The following ERG variants were observed in gnomAD, a reference collection of about 807,000 sequenced individuals.
ERG encodes transcriptional regulator ERG.
A neutral mutation model predicts 55.3 loss-of-function variants in ERG; 9 were observed. The ratio of observed to expected loss-of-function variants is 0.16; its 90% CI spans 0.10 to 0.28. ERG has a LOEUF of 0.28. ERG is among the 10% of genes least tolerant of loss of function. The probability of loss-of-function intolerance (pLI) is 1.00; values close to 1 mark genes in which losing one functional copy is unlikely to be tolerated. For missense variants in ERG, 434 were observed against 631.6 expected (o/e 0.69, Z 3.35); for synonymous variants, 223 against 237.3 (o/e 0.94, Z 0.55).
intron 2 of ERG, among the ~76,000 whole-genome samples, chr21:38,443,103 G>A (rs568463392): frequency 5.9e-4 from 90 of 152,308 alleles, no homozygotes; most frequent in African/African-American, 1.5e-3. Context: ...CACTGCGCCC[G>A]GCCAGAATGC....
At chr21:38,617,992 G>A (rs961476579) in intron 1 of ERG, among the ~76,000 whole-genome samples, 11 of 152,158 alleles carry the variant, frequency 7.2e-5, no homozygotes, top group South Asian at 2.1e-4. Flanking sequence ...CTGGCAGGAC[G>A]AGGCTTAAAA....
At chr21:38,424,176 C>G (rs1989690648) in intron 2 of ERG, among the ~76,000 whole-genome samples, 1 of 58,832 alleles carries the variant, frequency 1.7e-5, no homozygotes, top group South Asian at 7.3e-4. Context: ...AAGAAAGAGA[C>G]CAGAGCTCGA....
Position 38,387,247 on chromosome 21 carries a change from G to A in ERG, c.920-3324C>T, listed in dbSNP as rs116743285. Among the ~76,000 whole-genome samples, 585 of 152,342 alleles carry A rather than the reference G, an allele frequency of 3.8e-3. 3 individuals carry two copies. Among genetic ancestry groups the A allele is most frequent in the African/African-American group, 0.014 (564 of 41,586 alleles). On this transcript the variant is annotated intron_variant, in intron 9 of 9. Transcript: ENST00000288319. ...GGGGCCCCACCAGTACCATGTGGCA[G>A]TGGTTTGGGGCCACTTTCTCTAGAA...
intron 5 of ERG, 52 bp from the exon 6 acceptor site, chr21:38,400,697 GATCTCAAC>G: frequency 7.2e-7 from 1 of 1,382,848 alleles, no homozygotes. Flanking sequence ...TGTGGTTGTC[GATCTCAAC>G]ATCAGCGCCA....
At chr21:38,648,904 C>A (rs2060472673) in intron 1 of ERG, among the ~76,000 whole-genome samples, 1 of 152,138 alleles carries the variant, frequency 6.6e-6, no homozygotes, top group Non-Finnish European at 1.5e-5. Context: ...AACTGTGAGT[C>A]CAAACACTTA....
chr21:38,656,880 G>A (rs570863885), intron 1 of ERG, among the ~76,000 whole-genome samples: 7 of 152,140 alleles, frequency 4.6e-5, no homozygotes, highest in African/African-American at 1.7e-4. Context: ...TTCCTAGAGA[G>A]ACAGCTTTTC....
intron 1 of ERG, among the ~76,000 whole-genome samples, chr21:38,614,516 T>C (rs1248359327): frequency 6.6e-6 from 1 of 152,144 alleles, no homozygotes; most frequent in East Asian, 1.9e-4. Flanking sequence ...TGAAACCACC[T>C]GCAAAGTTGG....
At chr21:38,442,396 A>T (rs1361264649) in intron 2 of ERG, among the ~76,000 whole-genome samples, 1 of 152,154 alleles carries the variant, frequency 6.6e-6, no homozygotes, top group Non-Finnish European at 1.5e-5. Flanking sequence ...AACTCCATCT[A>T]AAAGAAAAAT....
At chr21:38,652,821 T>C (rs769628523) in intron 1 of ERG, among the ~76,000 whole-genome samples, 1 of 152,252 alleles carries the variant, frequency 6.6e-6, no homozygotes, top group Non-Finnish European at 1.5e-5. Context: ...TTCACTGCCA[T>C]GCTGGCCCAG....
At chr21:38,510,515 T>A (rs2059503347) in intron 2 of ERG, among the ~76,000 whole-genome samples, 1 of 152,226 alleles carries the variant, frequency 6.6e-6, no homozygotes, top group Admixed American at 6.5e-5. Flanking sequence ...TTGCCTAATC[T>A]GTAAATTGGA....
At chr21:38,649,055 T>C (rs2060473480) in intron 1 of ERG, among the ~76,000 whole-genome samples, 1 of 152,170 alleles carries the variant, frequency 6.6e-6, no homozygotes, top group African/African-American at 2.4e-5. Context: ...CACACATCTC[T>C]ATAACATATG....
intron 2 of ERG, among the ~76,000 whole-genome samples, chr21:38,435,452 T>C (rs867485629): frequency 5.3e-5 from 8 of 152,198 alleles, no homozygotes; most frequent in South Asian, 2.1e-4. Context: ...GTGATTCATG[T>C]AGAACTCCGG....
chr21:38,528,963 TGAG>T (rs1220717809), intron 2 of ERG, among the ~76,000 whole-genome samples: 1 of 152,104 alleles, frequency 6.6e-6, no homozygotes, highest in Non-Finnish European at 1.5e-5. Context: ...AGAAATTAAA[TGAG>T]GATGTCATTG....
chr21:38,648,999 T>C (rs1399751692), intron 1 of ERG, among the ~76,000 whole-genome samples: 2 of 152,194 alleles, frequency 1.3e-5, no homozygotes, highest in East Asian at 1.9e-4. Context: ...GATGCCTTCA[T>C]GAGCTGACTC....
chr21:38,472,274 T>C (rs948965716), intron 1 of ERG, among the ~76,000 whole-genome samples: 1 of 152,186 alleles, frequency 6.6e-6, no homozygotes, highest in South Asian at 2.1e-4. Context: ...AAGTCACTCA[T>C]AGAAAATACT....
intron 9 of ERG, 128 bp from the exon 10 acceptor site, chr21:38,384,051 C>G (rs899063648): frequency 7.8e-7 from 1 of 1,280,926 alleles, no homozygotes; most frequent in Non-Finnish European, 1.0e-6. Context: ...GCCTGTCCGT[C>G]CATCCCTCAG....
chr21:38,612,742 C>T (rs572879879), intron 1 of ERG, among the ~76,000 whole-genome samples: 1 of 151,124 alleles, frequency 6.6e-6, no homozygotes, highest in East Asian at 1.9e-4. Context: ...CGGCTCACTG[C>T]AACCTCCGCC....
downstream of ERG, among the ~76,000 whole-genome samples, chr21:38,376,959 G>A (rs1736450495): frequency 6.6e-6 from 1 of 152,226 alleles, no homozygotes; most frequent in Non-Finnish European, 1.5e-5. Context: ...CAACAACCGG[G>A]CTTCTGCCCA....
At chr21:38,455,645 T>G (rs2058981129) in intron 1 of ERG, among the ~76,000 whole-genome samples, 1 of 152,122 alleles carries the variant, frequency 6.6e-6, no homozygotes, top group Non-Finnish European at 1.5e-5. Flanking sequence ...TTCCAGGAAT[T>G]TTATTCATGA....
Sources: gnomAD v4.1 joint callset for allele counts (sites outside exome capture counted in the v4.1 genomes callset) on GRCh38, gnomAD v4.1.1 for gene constraint, MANE v1.5 for transcripts, NCBI Gene and HGNC (gene_info 2026-07-23, HGNC 2026-07-21) for gene names.